Variants in TMEM123 observed in about 807,000 individuals in gnomAD.
The protein encoded by TMEM123 is porimin.
A neutral mutation model predicts 19.7 loss-of-function variants in TMEM123; 16 were observed. The ratio of observed to expected loss-of-function variants is 0.81; its 90% CI spans 0.55 to 1.23. The LOEUF is 1.23. TMEM123 is among the 50% of genes most tolerant of loss of function. The pLI is 0.00. For synonymous variants in TMEM123, 118 were observed against 99.4 expected (o/e 1.19, Z -1.12); for missense variants, 313 against 257.8 (o/e 1.21, Z -1.47).
intron 2 of TMEM123, among the ~76,000 whole-genome samples, chr11:102,410,598 A>G (rs1466124020): frequency 1.3e-5 from 2 of 151,764 alleles, no homozygotes; most frequent in African/African-American, 2.4e-5. Context: ...AAACTCCCCA[A>G]GCCTCTCATC....
At chr11:102,446,927 T>C (rs929374829) in intron 2 of TMEM123, among the ~76,000 whole-genome samples, 2 of 152,146 alleles carry the variant, frequency 1.3e-5, no homozygotes, top group African/African-American at 4.8e-5. Flanking sequence ...ACCAAATAAA[T>C]TGGTAAACAG....
intron 2 of TMEM123, among the ~76,000 whole-genome samples, chr11:102,440,246 G>C (rs1344298568): frequency 6.6e-6 from 1 of 152,176 alleles, no homozygotes; most frequent in Non-Finnish European, 1.5e-5. Flanking sequence ...ACACATAATT[G>C]TCAGATTCAC....
At chr11:102,404,375 C>T (rs1445109822) in intron 2 of TMEM123, among the ~76,000 whole-genome samples, 1 of 151,744 alleles carries the variant, frequency 6.6e-6, no homozygotes, top group Non-Finnish European at 1.5e-5. Context: ...CCTCCGCCTT[C>T]TGGGTTCAAG....
chr11:102,452,670 TG>T lies in TMEM123; in HGVS notation c.-48del, dbSNP rs1345387611. On this transcript the variant is annotated 5_prime_UTR_variant, in exon 1 of 5. Transcript: ENST00000398136. ...CAGCCTCGTGGGCTCCCAGCCGAGG[TG>T]GCGGCGGCGAGAGCGGCTCCTCTGC... is the stretch of plus-strand genomic sequence containing the variant. 1.5e-6 allele frequency: 2 copies of T among 1,379,070 alleles called. No homozygotes were observed. Among genetic ancestry groups the T allele is most frequent in the Non-Finnish European group, 9.5e-7 (1 of 1,053,126 alleles). 85.4% of individuals were successfully genotyped at this position (1,379,070 alleles called of 1,614,324 possible). A position where few individuals can be genotyped will look rare whatever the true frequency, so the allele number is the denominator to read the frequency against.
chr11:102,439,360 T>C (rs1311011544), intron 2 of TMEM123, among the ~76,000 whole-genome samples: 13 of 149,976 alleles, frequency 8.7e-5, no homozygotes, highest in Admixed American at 8.0e-4. Context: ...AGAGGAAGGA[T>C]CAGGCAGCAA....
At chr11:102,408,788 G>A (rs1237144356) in intron 2 of TMEM123, among the ~76,000 whole-genome samples, 1 of 152,112 alleles carries the variant, frequency 6.6e-6, no homozygotes, top group African/African-American at 2.4e-5. Context: ...ACACACTACT[G>A]GGATATTTTT....
At chr11:102,448,341 G>T in intron 2 of TMEM123, 1 of 453,914 alleles carries the variant, frequency 2.2e-6, no homozygotes. Flanking sequence ...AAATCACAGG[G>T]TAAGGGCCTC....
At chr11:102,429,053 A>G (rs1952153469) in intron 2 of TMEM123, among the ~76,000 whole-genome samples, 1 of 152,190 alleles carries the variant, frequency 6.6e-6, no homozygotes, top group Non-Finnish European at 1.5e-5. Context: ...AGCCTCTCGC[A>G]GGAGTCTGAA....
At chr11:102,448,458 C>T in intron 2 of TMEM123, 1 of 333,630 alleles carries the variant, frequency 3.0e-6, no homozygotes, top group Non-Finnish European at 5.9e-6. Context: ...TTTACAGTGA[C>T]TTGTTTCATC....
rs1355781453 is a variant in TMEM123 at position 102,415,894 on chromosome 11, G to T, written c.158-13688C>A. On this transcript the variant is annotated intron_variant, in intron 2 of 4. Transcript: ENST00000398136. ...AGATCAATGAAACCAAAAGTTGGTGGTTGTTATTATTATTATTATTATTAT... is the reference window on the plus strand; with the variant it reads ...AGATCAATGAAACCAAAAGTTGGTGTTTGTTATTATTATTATTATTATTAT... Among the ~76,000 whole-genome samples, 3 of 83,660 alleles carry T rather than the reference G, an allele frequency of 3.6e-5. No homozygotes were observed. The Admixed American group carries it at 4.4e-4, about 12-fold the overall frequency. 54.9% of individuals were successfully genotyped at this position (83,660 alleles called of 152,430 possible). A position where few individuals can be genotyped will look rare whatever the true frequency, so the allele number is the denominator to read the frequency against.
At chr11:102,415,931 T>C (rs1355970919) in intron 2 of TMEM123, among the ~76,000 whole-genome samples, 1 of 151,770 alleles carries the variant, frequency 6.6e-6, no homozygotes, top group African/African-American at 2.4e-5. Context: ...ATCATTATTT[T>C]TGAGATGGAG....
In TMEM123 at chr11:102,427,746, G is replaced by A. The variant is rs895246144; in HGVS notation, c.157+21066C>T. ...CCAGCTACTAGGGAGGCTGAGGCAGGAGAATCACTGGAACCCGGGAGGCAG... is the reference window on the plus strand; with the variant it reads ...CCAGCTACTAGGGAGGCTGAGGCAGAAGAATCACTGGAACCCGGGAGGCAG... On this transcript the variant is annotated intron_variant, in intron 2 of 4. Coordinates refer to ENST00000398136, the MANE Select transcript of TMEM123 (RefSeq NM_052932.3). Among the ~76,000 whole-genome samples, 7 of 150,660 alleles carry A rather than the reference G, an allele frequency of 4.6e-5. No homozygotes were observed. The South Asian group carries it at 1.1e-3, about 23-fold the overall frequency.
chr11:102,413,984 C>T (rs933434615), intron 2 of TMEM123, among the ~76,000 whole-genome samples: 3 of 152,108 alleles, frequency 2.0e-5, no homozygotes, highest in Non-Finnish European at 4.4e-5. Flanking sequence ...GACACAAGGG[C>T]TGAAACACAA....
intron 2 of TMEM123, among the ~76,000 whole-genome samples, chr11:102,441,637 G>C (rs1433426054): frequency 1.3e-5 from 2 of 151,604 alleles, no homozygotes; most frequent in African/African-American, 2.4e-5. Context: ...AAAAGAACTA[G>C]AGAAGCAAGA....
chr11:102,421,667 C>T (rs925790303), intron 2 of TMEM123, among the ~76,000 whole-genome samples: 1 of 151,956 alleles, frequency 6.6e-6, no homozygotes. Flanking sequence ...TGTTTTCTTG[C>T]AAGACAAAGG....
chr11:102,419,241 A>G (rs1020708664), intron 2 of TMEM123, among the ~76,000 whole-genome samples: 2 of 152,246 alleles, frequency 1.3e-5, no homozygotes, highest in African/African-American at 4.8e-5. Context: ...TACACGTTGT[A>G]CTAAAAACGT....
chr11:102,415,144 C>A (rs1393869440), intron 2 of TMEM123, among the ~76,000 whole-genome samples: 1 of 152,136 alleles, frequency 6.6e-6, no homozygotes, highest in Non-Finnish European at 1.5e-5. Flanking sequence ...CTTAACTATC[C>A]CATATAAATA....
Position 102,402,035 on chromosome 11 carries a change from G to A in TMEM123, c.329C>T (p.Thr110Ile). ...PGMVSTNMTS[T>I]TLKSTPKTTS... Reference sequence around the variant, plus strand: ...TGTTTTGGGTGTAGACTTTAAGGTGGTAGAAGTCATATTTGTTGAGACCAT... The same window carrying A: ...TGTTTTGGGTGTAGACTTTAAGGTGATAGAAGTCATATTTGTTGAGACCAT... The change falls in exon 3 of 5, where the codon ACC becomes ATC. Residue 110 changes from threonine to isoleucine, a missense_variant. By Grantham distance (89) the Thr-to-Ile change is moderately conservative (BLOSUM62 -1). Transcript: ENST00000398136. 2 of 1,614,060 alleles carry A rather than the reference G, an allele frequency of 1.2e-6. No homozygotes were observed. Among genetic ancestry groups the A allele is most frequent in the Non-Finnish European group, 8.5e-7 (1 of 1,179,984 alleles).
chr11:102,410,960 T>C (rs1565348836), intron 2 of TMEM123, among the ~76,000 whole-genome samples: 2 of 152,336 alleles, frequency 1.3e-5, no homozygotes, highest in East Asian at 1.9e-4. Flanking sequence ...ATCTTGTGTG[T>C]TACAATACAA....
Sources: allele counts gnomAD v4.1 joint callset (sites outside exome capture counted in the v4.1 genomes callset), GRCh38; gene constraint gnomAD v4.1.1; transcripts MANE v1.5; gene names NCBI Gene and HGNC (gene_info 2026-07-23, HGNC 2026-07-21).